TNK2: variants seen among roughly 807,000 people sequenced by gnomAD.
The protein encoded by TNK2 is activated CDC42 kinase 1.
In TNK2, 83 loss-of-function variants were observed where a neutral mutation model predicts 101.8. The ratio of observed to expected loss-of-function variants is 0.82; its 90% confidence interval spans 0.68 to 0.98. The LOEUF (loss-of-function observed/expected upper bound fraction) is 0.98. Ranked by LOEUF, TNK2 falls within the 50% of genes least tolerant of loss-of-function variation. The pLI, the probability that TNK2 is intolerant of heterozygous loss-of-function variation, is 0.00. For missense variants in TNK2, 1,665 were observed against 1,483.2 expected, an observed-to-expected ratio of 1.12 and a Z score of -2.01; for synonymous variants, 804 against 633.0, an observed-to-expected ratio of 1.27 and a Z score of -4.06.
intron 1 of TNK2, among the ~76,000 whole-genome samples, chr3:195,904,024 G>A (rs1057198726): frequency 6.6e-6 from 1 of 152,016 alleles, no homozygotes; most frequent in Admixed American, 6.6e-5. Flanking sequence ...CAGCCAAAAG[G>A]TGAAAGCCGC....
intron 6 of TNK2, among the ~76,000 whole-genome samples, chr3:195,881,690 C>G (rs1490315593): frequency 1.5e-5 from 2 of 129,908 alleles, no homozygotes; most frequent in South Asian, 2.8e-4. Flanking sequence ...CCTATAACAC[C>G]CCCCCGCCAG....
In TNK2 at chr3:195,874,356, A is replaced by T. The variant is rs563245532; in HGVS notation, c.1257-1886T>A. On this transcript the variant is annotated intron_variant, in intron 9 of 15. Transcript: ENST00000672887. ...CTTCTGAGAGGGAAAGGAGACATCA[A>T]GCCCACCTCCCTTAGTGCAGGTATG... Among the ~76,000 whole-genome samples, 511 of 152,342 alleles carry T rather than the reference A, an allele frequency of 3.4e-3. 2 individuals carry two copies. Among genetic ancestry groups the T allele is most frequent in the Non-Finnish European group, 3.9e-3 (267 of 68,014 alleles).
intron 9 of TNK2, chr3:195,876,301 G>C (rs972345552): frequency 2.4e-6 from 1 of 414,500 alleles, no homozygotes; most frequent in Non-Finnish European, 4.9e-6. Context: ...CAGAGCTGCG[G>C]CAGGTGGCCT....
In TNK2 at chr3:195,867,873, G is replaced by T; in HGVS notation, c.2425C>A (p.Pro809Thr). 6.5e-7 allele frequency: 1 copy of T among 1,531,768 alleles called. No individual in the cohort carries two copies. 94.9% of individuals were successfully genotyped at this position (1,531,768 alleles called of 1,614,324 possible). The stretch of plus-strand genomic sequence containing the variant: ...GGGGAGCTGCCAGGTGGTACCAGGG[G>T]GCTGGGTGTCCTCGAGCCTTGAGGG... ...LSPQGSRTPS[P>T]LVPPGSSPLP... The change falls in exon 13 of 16, where the codon CCC (proline) becomes ACC (threonine). Residue 809 changes from proline to threonine, a missense_variant. Pro to Thr is a conservative substitution (Grantham distance 38). Transcript: ENST00000672887.
intron 1 of TNK2, chr3:195,894,284 T>G (rs553884318): frequency 6.6e-6 from 1 of 152,398 alleles, no homozygotes; most frequent in Admixed American, 6.5e-5. Context: ...CAGAAATATG[T>G]GTCTCAAAGT....
In TNK2 at chr3:195,883,304, A is replaced by C; in HGVS notation, c.462T>G (p.Ser154Arg). 1 of 1,612,542 alleles carries C rather than the reference A, an allele frequency of 6.2e-7. No homozygotes were observed. ...CGGGCTTCAGGCACTTCACAGCCACACTCACCTGCCCAGAGCGGGATTTGC... is the reference window on the plus strand; with the variant it reads ...CGGGCTTCAGGCACTTCACAGCCACCCTCACCTGCCCAGAGCGGGATTTGC... ...EWDAPSGKTVSVAVKCLKPDV... is the reference protein window; with the variant it reads ...EWDAPSGKTVRVAVKCLKPDV... The change falls in exon 5 of 16, where the codon AGT becomes AGG. Residue 154 changes from serine to arginine, a missense_variant. Around this residue, in one of 3 missense-constraint regions of TNK2, gnomAD observed 490 missense variants for 522.5 expected, o/e 0.94. Coordinates refer to ENST00000672887, the MANE Select transcript of TNK2 (RefSeq NM_001382273.1).
chr3:195,870,782 G>A (rs1053710578), intron 10 of TNK2, among the ~76,000 whole-genome samples: 3 of 152,270 alleles, frequency 2.0e-5, no homozygotes, highest in Admixed American at 6.5e-5. Context: ...TGGGGCAGAG[G>A]GCACCAGCCT....
chr3:195,908,212 A>AC (rs927811496), intron 1 of TNK2: 2 of 155,724 alleles, frequency 1.3e-5, no homozygotes, highest in African/African-American at 4.8e-5. Context: ...CCCTGGGGCT[A>AC]CCCCTCTCTT....
At chr3:195,883,561 C>G (rs1754225068) in intron 4 of TNK2, 1 of 489,388 alleles carries the variant, frequency 2.0e-6, no homozygotes, top group Admixed American at 3.2e-5. Flanking sequence ...GGCTTAAATA[C>G]CAACCAAAAA....
Position 195,872,482 on chromosome 3 carries a change from A to C in TNK2, c.1257-12T>G. On this transcript the variant is annotated splice_polypyrimidine_tract_variant and intron_variant, in intron 9 of 15. Coordinates refer to ENST00000672887, the MANE Select transcript of TNK2 (RefSeq NM_001382273.1). Reference sequence around the variant, plus strand: ...AGTAGTTCTCGGCCCTGCGCGACAGAGATGGCACGGTGAACGCCAGGCGTG... The same window carrying C: ...AGTAGTTCTCGGCCCTGCGCGACAGCGATGGCACGGTGAACGCCAGGCGTG... The C allele has an allele frequency of 1.3e-6, 2 of 1,568,236 alleles. No individual in the cohort carries two copies. The highest frequency in any genetic ancestry group is 1.7e-6 in the Non-Finnish European group (2 of 1,154,210).
Position 195,869,515 on chromosome 3 carries a change from G to T in TNK2, c.1570C>A (p.Pro524Thr). ...CACTTACTCTGAGTGAAGAAGGCAG[G>T]CTGAGGTGGGCGAGGTGGAGGCTCC... ...KREPPPRPPQPAFFTQKPTYD... is the reference protein window; with the variant it reads ...KREPPPRPPQTAFFTQKPTYD... The change falls in exon 12 of 16, where the codon CCT becomes ACT. Residue 524 changes from proline to threonine, a missense_variant. By Grantham distance (38) the Pro-to-Thr change is conservative. This residue lies in a region of TNK2 where 1,136 missense variants were observed against 894.9 expected (regional missense o/e 1.27). Transcript: ENST00000672887. 1 of 1,551,058 alleles carries T rather than the reference G, an allele frequency of 6.4e-7. No individual in the cohort carries two copies. The highest frequency in any genetic ancestry group is 8.7e-7 in the Non-Finnish European group (1 of 1,146,982).
rs199636920 is a variant in TNK2 at position 195,870,129 on chromosome 3, G to A, written c.1528C>T (p.Leu510=). ...ELSTSRPPQH[L]GGVKREPPPR... is the part of the protein sequence containing the mutation. ...GGGCTCTTACTTTTCACCCCTCCTA[G>A]ATGCTGGGGGGGCCGGGAGGTGCTC... The change falls in exon 11 of 16, where the codon CTA becomes TTA. Residue 510 remains leucine, a synonymous_variant. Transcript: ENST00000672887. 5.5e-6 allele frequency: 8 copies of A among 1,462,506 alleles called. No homozygotes were observed. The highest frequency in any genetic ancestry group is 4.2e-5 in the South Asian group (3 of 70,682). The allele number at this position is 1,462,506 out of a possible 1,614,324, so 90.6% of individuals were successfully genotyped here.
At position 195,869,547 on chromosome 3, in the gene TNK2, A is replaced by G; in HGVS notation, c.1544-6T>C. ...TGGGCGAGGTGGAGGCTCCCCTGCAAGAAAGGCCATGCGGACAGGGGGAGA... is the reference window on the plus strand; with the variant it reads ...TGGGCGAGGTGGAGGCTCCCCTGCAGGAAAGGCCATGCGGACAGGGGGAGA... On this transcript the variant is annotated splice_polypyrimidine_tract_variant and splice_region_variant and intron_variant, in intron 11 of 15. Coordinates refer to ENST00000672887, the MANE Select transcript of TNK2 (RefSeq NM_001382273.1). 2 of 1,551,288 alleles carry G rather than the reference A, an allele frequency of 1.3e-6. No homozygotes were observed. Among genetic ancestry groups the G allele is most frequent in the Non-Finnish European group, 1.7e-6 (2 of 1,146,986 alleles).
rs751543943 is a variant in TNK2, at chr3:195,878,610, CAG to C, written c.1015-20_1015-19del. 3.1e-6 allele frequency: 5 copies of C among 1,607,120 alleles called. No homozygotes were observed. The Admixed American group carries it at 6.7e-5, about 21-fold the overall frequency. On this transcript the variant is annotated intron_variant, in intron 7 of 15. Coordinates refer to ENST00000672887, the MANE Select transcript of TNK2 (RefSeq NM_001382273.1). The surrounding 1 kb of genome is among the most constrained non-coding windows in gnomAD (Gnocchi z 4.7). Reference sequence around the variant, plus strand: ...TGCAGGATCTGAAGGTGAGGAGGTGCAGAGTTTGACGACAAACAGAGCGCCCA... The same window carrying C: ...TGCAGGATCTGAAGGTGAGGAGGTGCAGTTTGACGACAAACAGAGCGCCCA...
rs73891166 is a variant in TNK2 at position 195,886,869 on chromosome 3, G to A, written c.234+108C>T. 5.4e-4 allele frequency: 675 copies of A among 1,242,020 alleles called. 1 individual carries two copies. The African/African-American group carries it at 6.7e-3, about 12-fold the overall frequency. 76.9% of individuals were successfully genotyped at this position (1,242,020 alleles called of 1,614,324 possible). On this transcript the variant is annotated intron_variant, in intron 3 of 15. Coordinates refer to ENST00000672887, the MANE Select transcript of TNK2 (RefSeq NM_001382273.1). The surrounding 1 kb of genome is among the most constrained non-coding windows in gnomAD (Gnocchi z 4.2). ...GTCCTGTACAAAGTGCCGGCAGAAC[G>A]GCGAGATTCGACCTGCCGGGGAGCT... is the stretch of plus-strand genomic sequence containing the variant.
intron 1 of TNK2, among the ~76,000 whole-genome samples, chr3:195,898,179 C>A (rs1005992075): frequency 1.3e-5 from 2 of 152,102 alleles, no homozygotes; most frequent in African/African-American, 4.8e-5. Flanking sequence ...CACGGACCCC[C>A]AACCAAGACT....
At position 195,883,340 on chromosome 3, in the gene TNK2, G is replaced by A. The variant is rs924375926; in HGVS notation, c.457-31C>T. ...CAGAGCGGGATTTGCAAGGACTCAG[G>A]ACTTGCCAGGTCCCAGACACGCGGA... On this transcript the variant is annotated intron_variant, in intron 4 of 15. Coordinates refer to ENST00000672887, the MANE Select transcript of TNK2 (RefSeq NM_001382273.1). 1.1e-5 allele frequency: 18 copies of A among 1,609,826 alleles called. No homozygotes were observed. The Admixed American group carries it at 1.5e-4, about 13-fold the overall frequency.
At chr3:195,895,313 C>A in intron 1 of TNK2, 1 of 1,579,198 alleles carries the variant, frequency 6.3e-7, no homozygotes, top group Non-Finnish European at 8.6e-7. Context: ...GCCCCAAATC[C>A]CAGCGGCTGC....
In TNK2 at chr3:195,886,795, G is replaced by A. The variant is rs758241629; in HGVS notation, c.234+182C>T. On this transcript the variant is annotated intron_variant, in intron 3 of 15. Transcript: ENST00000672887. The surrounding 1 kb of genome is among the most constrained non-coding windows in gnomAD (Gnocchi z 4.2). ...CGTATCTGGCGGAGACAGACACTTA[G>A]CCCAGCAGCTCTACAAGTGCCCTGC... 2.6e-5 allele frequency among the ~76,000 whole-genome samples: 4 copies of A among 152,198 alleles called. No individual in the cohort carries two copies. Among genetic ancestry groups the A allele is most frequent in the Non-Finnish European group, 5.9e-5 (4 of 68,032 alleles).
Sources: gnomAD v4.1 joint callset for allele counts (sites outside exome capture counted in the v4.1 genomes callset) on GRCh38, gnomAD v4.1.1 for gene constraint, gnomAD v4.1.1 regional missense constraint, Gnocchi (gnomAD v3.1) non-coding constraint, MANE v1.5 for transcripts, NCBI Gene and HGNC (gene_info 2026-07-23, HGNC 2026-07-21) for gene names.